The following CDKL3 variants were observed in gnomAD, a reference collection of about 807,000 sequenced individuals.
CDKL3 encodes the protein cyclin-dependent kinase-like 3.
CDKL3 carries 65 observed loss-of-function variants against 69.3 expected under a neutral mutation model. The observed-to-expected ratio is 0.94, with a 90% CI of 0.77 to 1.15. The LOEUF (loss-of-function observed/expected upper bound fraction) is 1.15. Among genes scored for constraint, CDKL3 ranks in the 50% most tolerant of loss-of-function variants. The probability of loss-of-function intolerance (pLI) is 0.00; values close to 1 mark genes in which losing one functional copy is unlikely to be tolerated. For missense variants in CDKL3, 652 were observed against 689.2 expected (o/e 0.95, Z 0.61); for synonymous variants, 202 against 221.6 (o/e 0.91, Z 0.79).
Position 134,366,552 on chromosome 5 carries a change from G to C in CDKL3, c.-21-8C>G, listed in dbSNP as rs1185275163. The C allele has an allele frequency of 2.0e-6, 3 of 1,516,090 alleles. No individual in the cohort carries two copies. In the African/African-American group the frequency reaches 4.2e-5, roughly 21 times the overall value. 93.9% of individuals were successfully genotyped at this position (1,516,090 alleles called of 1,614,324 possible). On this transcript the variant is annotated splice_polypyrimidine_tract_variant and splice_region_variant and intron_variant, in intron 1 of 12. Transcript: ENST00000265334. ...CAAGCTGGGCTTTTACTACTTTATAGAAATAAAGAAAGAAAATGGAAAATG... is the reference window on the plus strand; with the variant it reads ...CAAGCTGGGCTTTTACTACTTTATACAAATAAAGAAAGAAAATGGAAAATG...
chr5:134,351,777 T>C (rs913797543), intron 3 of CDKL3, among the ~76,000 whole-genome samples: 3 of 152,174 alleles, frequency 2.0e-5, no homozygotes, highest in Non-Finnish European at 4.4e-5. Flanking sequence ...TTTTTTAACA[T>C]TGTTAATTTT....
At chr5:134,362,691 G>A (rs182433502) in intron 2 of CDKL3, among the ~76,000 whole-genome samples, 2 of 152,228 alleles carry the variant, frequency 1.3e-5, no homozygotes, top group Admixed American at 1.3e-4. Flanking sequence ...TACTTTGGGA[G>A]GCTGAGGTGG....
upstream of CDKL3, among the ~76,000 whole-genome samples, chr5:134,369,716 G>A (rs1290571053): frequency 6.6e-6 from 1 of 152,070 alleles, no homozygotes; most frequent in Non-Finnish European, 1.5e-5. Context: ...GACTATTGGT[G>A]TGCGCCACCA....
intron 4 of CDKL3, among the ~76,000 whole-genome samples, chr5:134,342,378 C>T (rs1750709359): frequency 6.6e-6 from 1 of 151,878 alleles, no homozygotes; most frequent in African/African-American, 2.4e-5. Flanking sequence ...GCAGGTGGAT[C>T]ATGAGGTCAG....
In CDKL3 at chr5:134,321,784, T is replaced by C. The variant is rs79072682; in HGVS notation, c.652+7A>G. On this transcript the variant is annotated splice_region_variant and intron_variant, in intron 5 of 12. Transcript: ENST00000265334. The stretch of plus-strand genomic sequence containing the variant: ...CATGTAACTCATGTTATTTCAGTAA[T>C]ACCTACCCACTTTCAAAACAATTTT... 1,270 of 1,401,222 alleles carry C rather than the reference T, an allele frequency of 9.1e-4. 10 individuals are homozygous for C. In the African/African-American group the frequency reaches 0.016, roughly 18 times the overall value. 86.8% of individuals were successfully genotyped at this position (1,401,222 alleles called of 1,614,324 possible).
chr5:134,296,257 G>C (rs151022774), downstream of CDKL3, among the ~76,000 whole-genome samples: 6 of 152,150 alleles, frequency 3.9e-5, no homozygotes, highest in East Asian at 1.2e-3. Context: ...TGGCTAAATA[G>C]TAGAAAAAAG....
At chr5:134,337,336 C>T (rs538133672) in intron 4 of CDKL3, among the ~76,000 whole-genome samples, 6 of 152,344 alleles carry the variant, frequency 3.9e-5, no homozygotes, top group African/African-American at 7.2e-5. Flanking sequence ...CTCCCTGCTT[C>T]GGCTCGCCCT....
chr5:134,298,336 A>G (rs1765500914), downstream of CDKL3: 2 of 1,065,466 alleles, frequency 1.9e-6, no homozygotes, highest in African/African-American at 3.3e-5. Context: ...TGTGGCTACA[A>G]GAAGGCAGAG....
At chr5:134,362,272 C>A (rs748125764) in intron 2 of CDKL3, among the ~76,000 whole-genome samples, 9 of 152,150 alleles carry the variant, frequency 5.9e-5, no homozygotes, top group Non-Finnish European at 8.8e-5. Context: ...ATAATCCCAG[C>A]ACTTTGGTAG....
At position 134,350,242 on chromosome 5, in the gene CDKL3, C is replaced by T; in HGVS notation, c.539+7G>A. 6.5e-7 allele frequency: 1 copy of T among 1,544,210 alleles called. No homozygotes were observed. Among genetic ancestry groups the T allele is most frequent in the Non-Finnish European group, 8.7e-7 (1 of 1,146,118 alleles). On this transcript the variant is annotated splice_region_variant and intron_variant, in intron 4 of 12. Coordinates refer to ENST00000265334, the MANE Select transcript of CDKL3 (RefSeq NM_001113575.2). Reference sequence around the variant, plus strand: ...GAAAGGCTGACAGGATCCCAAAATACACATACTTTCCATAAGAAGTATCTT... The same window carrying T: ...GAAAGGCTGACAGGATCCCAAAATATACATACTTTCCATAAGAAGTATCTT...
At chr5:134,362,444 G>C (rs934050250) in intron 2 of CDKL3, among the ~76,000 whole-genome samples, 1 of 152,064 alleles carries the variant, frequency 6.6e-6, no homozygotes, top group Non-Finnish European at 1.5e-5. Flanking sequence ...GCTTGAACCC[G>C]GGAGGCCGAG....
At chr5:134,335,303 G>T (rs931432956) in intron 4 of CDKL3, among the ~76,000 whole-genome samples, 2 of 151,950 alleles carry the variant, frequency 1.3e-5, no homozygotes, top group African/African-American at 4.8e-5. Flanking sequence ...CTTTTAATTG[G>T]GGCATTTAGC....
At chr5:134,287,065 C>G (rs772106951) in intron 8 of CDKL3, among the ~76,000 whole-genome samples, 5 of 151,676 alleles carry the variant, frequency 3.3e-5, no homozygotes, top group Admixed American at 6.6e-5. Context: ...TTAAGAACTG[C>G]CAGGGAAACA....
At chr5:134,354,514 T>G (rs1442735316) in intron 3 of CDKL3, among the ~76,000 whole-genome samples, 3 of 152,220 alleles carry the variant, frequency 2.0e-5, no homozygotes, top group Non-Finnish European at 4.4e-5. Flanking sequence ...ATTGAGCCAC[T>G]TTAAAGTTGC....
At chr5:134,353,584 G>T (rs993075882) in intron 3 of CDKL3, among the ~76,000 whole-genome samples, 1 of 142,924 alleles carries the variant, frequency 7.0e-6, no homozygotes. Context: ...ACAGAGTCTC[G>T]CTTTGTCACC....
At chr5:134,335,753 C>T (rs1283989179) in intron 4 of CDKL3, among the ~76,000 whole-genome samples, 6 of 152,282 alleles carry the variant, frequency 3.9e-5, no homozygotes, top group Non-Finnish European at 5.9e-5. Flanking sequence ...CTGCCCTTAA[C>T]ATTTTTTCCT....
upstream of CDKL3, among the ~76,000 whole-genome samples, chr5:134,367,846 C>A (rs1757820918): frequency 6.6e-6 from 1 of 152,110 alleles, no homozygotes; most frequent in Non-Finnish European, 1.5e-5. Flanking sequence ...TGTACAAGAG[C>A]ACGGAAATAA....
chr5:134,359,886 G>A lies in CDKL3; in HGVS notation c.360+11C>T. 2 of 1,553,258 alleles carry A rather than the reference G, an allele frequency of 1.3e-6. No homozygotes were observed. The highest frequency in any genetic ancestry group is 1.7e-6 in the Non-Finnish European group (2 of 1,148,592). ...TTCATCCTACAAATTGGCTTATTCT[G>A]AAGCACTTACATTATTACTGTGAAG... On this transcript the variant is annotated intron_variant, in intron 3 of 12. Transcript: ENST00000265334.
chr5:134,341,593 T>C (rs1750510168), intron 4 of CDKL3, among the ~76,000 whole-genome samples: 1 of 152,218 alleles, frequency 6.6e-6, no homozygotes, highest in East Asian at 1.9e-4. Flanking sequence ...TCATTTTCTT[T>C]TCTAACAAAA....
Sources: gnomAD v4.1 joint callset for allele counts (sites outside exome capture counted in the v4.1 genomes callset) on GRCh38, gnomAD v4.1.1 for gene constraint, MANE v1.5 for transcripts, NCBI Gene and HGNC (gene_info 2026-07-23, HGNC 2026-07-21) for gene names.